The following B3GALT1 variants were observed in gnomAD, a reference collection of about 807,000 sequenced individuals.
The protein encoded by B3GALT1 is beta-1,3-galactosyltransferase 1.
In B3GALT1, 10 loss-of-function variants were observed where a neutral mutation model predicts 23.2. The ratio of observed to expected loss-of-function variants is 0.43; its 90% confidence interval spans 0.27 to 0.73. The LOEUF is 0.73. Among genes scored for constraint, B3GALT1 ranks in the 30% least tolerant of loss-of-function variants. The pLI, the probability that B3GALT1 is intolerant of heterozygous loss-of-function variation, is 0.21. For missense variants in B3GALT1, 299 were observed against 405.4 expected (o/e 0.74, Z 2.25); for synonymous variants, 156 against 141.5 (o/e 1.10, Z -0.73).
At chr2:167,658,785 G>A (rs535183952) in intron 3 of B3GALT1, among the ~76,000 whole-genome samples, 1 of 152,088 alleles carries the variant, frequency 6.6e-6, no homozygotes, top group South Asian at 2.1e-4. Flanking sequence ...TGATTATAGT[G>A]TACAATATGA....
chr2:167,593,132 C>T (rs1267879634), intron 2 of B3GALT1, among the ~76,000 whole-genome samples: 1 of 152,106 alleles, frequency 6.6e-6, no homozygotes, highest in African/African-American at 2.4e-5. Context: ...TATCTAAACA[C>T]TTAAGTACAA....
At chr2:167,604,383 A>T (rs1165741501) in intron 2 of B3GALT1, among the ~76,000 whole-genome samples, 1 of 152,234 alleles carries the variant, frequency 6.6e-6, no homozygotes, top group Non-Finnish European at 1.5e-5. Flanking sequence ...AACAAGGGAC[A>T]TTATTGGTTA....
intron 1 of B3GALT1, among the ~76,000 whole-genome samples, chr2:167,306,212 T>C (rs1696549920): frequency 6.6e-6 from 1 of 152,028 alleles, no homozygotes; most frequent in Non-Finnish European, 1.5e-5. Context: ...CTTATGCACA[T>C]ACATTTGAGA....
chr2:167,444,844 G>GT (rs200371618), intron 1 of B3GALT1, among the ~76,000 whole-genome samples: 1,764 of 152,154 alleles, frequency 0.012, 40 homozygotes, highest in African/African-American at 0.041. Context: ...TTTTTGAAGA[G>GT]TTTTTTGTGT....
intron 2 of B3GALT1, among the ~76,000 whole-genome samples, chr2:167,588,906 C>T (rs1241219148): frequency 4.1e-5 from 6 of 146,848 alleles, no homozygotes; most frequent in East Asian, 2.0e-4. Flanking sequence ...TCTTTCCTTC[C>T]GTCCCTCCTT....
intron 1 of B3GALT1, among the ~76,000 whole-genome samples, chr2:167,310,349 G>C (rs1696617381): frequency 6.6e-6 from 1 of 152,064 alleles, no homozygotes; most frequent in Non-Finnish European, 1.5e-5. Context: ...CAGGTAGTAT[G>C]ATTGCTATGA....
At chr2:167,734,282 C>G (rs754761676) in intron 3 of B3GALT1, among the ~76,000 whole-genome samples, 1 of 152,066 alleles carries the variant, frequency 6.6e-6, no homozygotes, top group Non-Finnish European at 1.5e-5. Context: ...ACTATTCACC[C>G]AAGCCAGGAT....
In B3GALT1 at chr2:167,559,888, G is replaced by A. The variant is rs558947628; in HGVS notation, c.-410+69611G>A. Among the ~76,000 whole-genome samples, 1,303 of 152,274 alleles carry A rather than the reference G, an allele frequency of 8.6e-3. 16 individuals carry two copies. Among genetic ancestry groups the A allele is most frequent in the African/African-American group, 0.029 (1,222 of 41,566 alleles). The stretch of plus-strand genomic sequence containing the variant: ...CAAGTTGGAAAACACTCTGCAGGAT[G>A]TTATCCAGGAGAACTTCCCCAATCT... On this transcript the variant is annotated intron_variant, in intron 2 of 4. Coordinates refer to ENST00000392690, the MANE Select transcript of B3GALT1 (RefSeq NM_020981.4).
chr2:167,676,914 AC>A (rs1212959366), intron 3 of B3GALT1, among the ~76,000 whole-genome samples: 4 of 152,262 alleles, frequency 2.6e-5, no homozygotes, highest in Admixed American at 2.6e-4. Flanking sequence ...AAGTAACTAA[AC>A]AAGTACTCTC....
intron 1 of B3GALT1, among the ~76,000 whole-genome samples, chr2:167,297,533 A>G (rs1054961722): frequency 6.6e-5 from 10 of 152,156 alleles, no homozygotes; most frequent in Admixed American, 2.0e-4. Context: ...TTAATTAAAA[A>G]TAGATTTGCG....
At chr2:167,673,996 G>C (rs933502124) in intron 3 of B3GALT1, among the ~76,000 whole-genome samples, 2 of 152,076 alleles carry the variant, frequency 1.3e-5, no homozygotes, top group African/African-American at 4.8e-5. Flanking sequence ...CTGGTTCTCA[G>C]TTAAGCTTTG....
intron 4 of B3GALT1, among the ~76,000 whole-genome samples, chr2:167,837,737 CCA>C (rs1459447913): frequency 5.4e-5 from 8 of 147,408 alleles, no homozygotes; most frequent in African/African-American, 2.0e-4. Flanking sequence ...TTTTTCAGCA[CCA>C]CACCACACCT....
At chr2:167,751,939 G>A (rs796146525) in intron 3 of B3GALT1, among the ~76,000 whole-genome samples, 4 of 152,218 alleles carry the variant, frequency 2.6e-5, no homozygotes, top group African/African-American at 9.6e-5. Flanking sequence ...GCTCATATAT[G>A]GCAAACACTA....
At chr2:167,300,909 A>C (rs1477727746) in intron 1 of B3GALT1, among the ~76,000 whole-genome samples, 2 of 152,226 alleles carry the variant, frequency 1.3e-5, no homozygotes, top group African/African-American at 4.8e-5. Flanking sequence ...AATGGAAAAT[A>C]GAGGAAGTAC....
intron 3 of B3GALT1, among the ~76,000 whole-genome samples, chr2:167,806,624 A>G (rs578252479): frequency 6.6e-6 from 1 of 152,176 alleles, no homozygotes; most frequent in African/African-American, 2.4e-5. Context: ...ACGTTTATTG[A>G]TTTGCATATG....
At chr2:167,568,381 C>G (rs1684217590) in intron 2 of B3GALT1, among the ~76,000 whole-genome samples, 1 of 152,028 alleles carries the variant, frequency 6.6e-6, no homozygotes, top group African/African-American at 2.4e-5. Context: ...TCTTATTGCT[C>G]CATATCCTCA....
intron 1 of B3GALT1, among the ~76,000 whole-genome samples, chr2:167,435,904 TTCTA>T (rs1275810621): frequency 4.0e-5 from 6 of 151,158 alleles, no homozygotes; most frequent in Non-Finnish European, 1.5e-5. Flanking sequence ...TTCTCTGTCT[TTCTA>T]TCTTGATCTC....
chr2:167,605,944 T>C (rs2105427837), intron 2 of B3GALT1, among the ~76,000 whole-genome samples: 1 of 152,296 alleles, frequency 6.6e-6, no homozygotes, highest in East Asian at 1.9e-4. Context: ...AGAAAGATTA[T>C]AGGGATGGTA....
chr2:167,863,990 A>ATGTGTG (rs34276280), intron 4 of B3GALT1, among the ~76,000 whole-genome samples: 2,046 of 143,694 alleles, frequency 0.014, 27 homozygotes, highest in East Asian at 0.054. Flanking sequence ...GCATGTATGT[A>ATGTGTG]TGTGTGTGTG....
Sources: gnomAD v4.1 joint callset for allele counts (sites outside exome capture counted in the v4.1 genomes callset) on GRCh38, gnomAD v4.1.1 for gene constraint, MANE v1.5 for transcripts, NCBI Gene and HGNC (gene_info 2026-07-23, HGNC 2026-07-21) for gene names.